Variants in LRRC4C observed in about 807,000 individuals in gnomAD.
The protein encoded by LRRC4C is leucine-rich repeat-containing protein 4C.
Under a neutral mutation model 33.6 loss-of-function variants are expected in LRRC4C, and 5 were observed. The observed-to-expected ratio is 0.15, with a 90% CI of 0.08 to 0.31. The LOEUF (loss-of-function observed/expected upper bound fraction) is 0.31. Among genes scored for constraint, LRRC4C ranks in the 10% least tolerant of loss-of-function variants. The probability of loss-of-function intolerance (pLI) is 1.00; values close to 1 mark genes in which losing one functional copy is unlikely to be tolerated. For missense variants in LRRC4C, 560 were observed against 796.7 expected, an observed-to-expected ratio of 0.70 and a Z score of 3.58; for synonymous variants, 329 against 302.0, an observed-to-expected ratio of 1.09 and a Z score of -0.93.
chr11:40,306,081 T>C (rs570986516), intron 4 of LRRC4C, among the ~76,000 whole-genome samples: 6 of 152,340 alleles, frequency 3.9e-5, no homozygotes, highest in Non-Finnish European at 7.3e-5. Flanking sequence ...TCTCCACCTA[T>C]GTCATTCAGC....
At chr11:40,954,560 T>C (rs1004965866) in intron 1 of LRRC4C, among the ~76,000 whole-genome samples, 1 of 151,826 alleles carries the variant, frequency 6.6e-6, no homozygotes, top group African/African-American at 2.4e-5. Flanking sequence ...GTTAATAGCA[T>C]AGCATCCCTT....
chr11:40,924,238 G>C (rs562782926), intron 2 of LRRC4C, among the ~76,000 whole-genome samples: 2 of 151,010 alleles, frequency 1.3e-5, no homozygotes, highest in Admixed American at 6.6e-5. Flanking sequence ...AGAGTATGGA[G>C]TAAGGTGAGA....
At chr11:40,229,335 T>C (rs1240794047) in intron 5 of LRRC4C, among the ~76,000 whole-genome samples, 2 of 152,222 alleles carry the variant, frequency 1.3e-5, no homozygotes, top group East Asian at 3.9e-4. Flanking sequence ...TGCAGTAGCG[T>C]GATCTCAGCT....
chr11:40,993,683 T>G (rs1853755309), intron 1 of LRRC4C, among the ~76,000 whole-genome samples: 1 of 152,136 alleles, frequency 6.6e-6, no homozygotes, highest in African/African-American at 2.4e-5. Flanking sequence ...ATCTAATATT[T>G]CTATTGCGAA....
chr11:40,972,637 C>T (rs971913639), intron 1 of LRRC4C, among the ~76,000 whole-genome samples: 3 of 152,116 alleles, frequency 2.0e-5, no homozygotes, highest in African/African-American at 7.2e-5. Context: ...CAGAAGGCAC[C>T]TCTTCACAAG....
In LRRC4C at chr11:41,105,008, C is replaced by T. The variant is rs367993252; in HGVS notation, c.-495-171285G>A. Among the ~76,000 whole-genome samples, 595 of 151,692 alleles carry T rather than the reference C, an allele frequency of 3.9e-3. 4 individuals carry two copies. Among genetic ancestry groups the T allele is most frequent in the South Asian group, 0.029 (140 of 4,796 alleles). On this transcript the variant is annotated intron_variant, in intron 1 of 6. Coordinates refer to ENST00000528697, the MANE Select transcript of LRRC4C (RefSeq NM_001258419.2). ...TAAGAAATGTTAAAAAAAAATTTGG[C>T]GATGGACATATCACTGTAAATTTAC...
At chr11:40,799,403 T>A (rs1337436131) in intron 2 of LRRC4C, among the ~76,000 whole-genome samples, 1 of 152,238 alleles carries the variant, frequency 6.6e-6, no homozygotes, top group Non-Finnish European at 1.5e-5. Flanking sequence ...TTATGTTTTA[T>A]GTATAAAAAA....
chr11:41,191,747 C>A (rs1291204999), intron 1 of LRRC4C, among the ~76,000 whole-genome samples: 1 of 152,108 alleles, frequency 6.6e-6, no homozygotes, highest in Non-Finnish European at 1.5e-5. Context: ...TCAAGCAGAG[C>A]AGTTCTACTT....
chr11:41,148,096 G>A (rs1943812152), intron 1 of LRRC4C, among the ~76,000 whole-genome samples: 1 of 151,978 alleles, frequency 6.6e-6, no homozygotes, highest in Admixed American at 6.6e-5. Context: ...TCGGCTCACT[G>A]TAACCTCCGC....
At chr11:40,953,828 A>G (rs1435676340) in intron 1 of LRRC4C, among the ~76,000 whole-genome samples, 1 of 151,894 alleles carries the variant, frequency 6.6e-6, no homozygotes, top group Non-Finnish European at 1.5e-5. Context: ...CTACCATAGC[A>G]TATAGTTTTA....
chr11:41,399,091 A>G (rs933031057), intron 1 of LRRC4C, among the ~76,000 whole-genome samples: 1 of 152,112 alleles, frequency 6.6e-6, no homozygotes, highest in Admixed American at 6.6e-5. Flanking sequence ...TTTGCAAATT[A>G]AACTGCCATC....
intron 2 of LRRC4C, among the ~76,000 whole-genome samples, chr11:40,826,835 C>T (rs945992161): frequency 4.6e-5 from 7 of 151,874 alleles, no homozygotes; most frequent in Admixed American, 2.6e-4. Flanking sequence ...AAAATATTGC[C>T]TTATGCACAG....
intron 3 of LRRC4C, among the ~76,000 whole-genome samples, chr11:40,539,249 A>G (rs1386269035): frequency 1.3e-5 from 2 of 152,176 alleles, no homozygotes; most frequent in Non-Finnish European, 2.9e-5. Flanking sequence ...TCCATTTCAC[A>G]TGCTTCACCA....
intron 2 of LRRC4C, among the ~76,000 whole-genome samples, chr11:40,724,128 C>T (rs1006941599): frequency 6.6e-6 from 1 of 152,052 alleles, no homozygotes; most frequent in African/African-American, 2.4e-5. Flanking sequence ...AATTCTAGAC[C>T]TGCAAAAATA....
At chr11:40,395,915 A>G (rs540321421) in intron 3 of LRRC4C, among the ~76,000 whole-genome samples, 5 of 152,250 alleles carry the variant, frequency 3.3e-5, no homozygotes, top group African/African-American at 1.2e-4. Context: ...TGAACCTGGG[A>G]GTCGGAGGTT....
At chr11:40,212,516 A>T (rs1863678475) in intron 5 of LRRC4C, among the ~76,000 whole-genome samples, 1 of 152,142 alleles carries the variant, frequency 6.6e-6, no homozygotes, top group Non-Finnish European at 1.5e-5. Context: ...TTCTGAAGCA[A>T]CTAGGAATTA....
At chr11:40,338,903 A>G (rs1946746862) in intron 3 of LRRC4C, among the ~76,000 whole-genome samples, 1 of 152,206 alleles carries the variant, frequency 6.6e-6, no homozygotes, top group Non-Finnish European at 1.5e-5. Context: ...TATAGCAGAG[A>G]TGACTCATCC....
rs34656729 is a variant in LRRC4C at position 40,758,280 on chromosome 11, C to CCTTA, written c.-406-110006_-406-110003dup. Among the ~76,000 whole-genome samples, 1,114 of 152,064 alleles carry CCTTA rather than the reference C, an allele frequency of 7.3e-3. 9 individuals are homozygous for CCTTA. Among genetic ancestry groups the CCTTA allele is most frequent in the Middle Eastern group, 0.024 (7 of 294 alleles). ...AATTATGCCTCCTACCAATGGTTGACCTTATCAATGACTCTGAGTCTTTGG... is the reference window on the plus strand; with the variant it reads ...AATTATGCCTCCTACCAATGGTTGACCTTACTTATCAATGACTCTGAGTCTTTGG... On this transcript the variant is annotated intron_variant, in intron 2 of 6. Transcript: ENST00000528697.
At chr11:41,128,723 A>C (rs1400249737) in intron 1 of LRRC4C, among the ~76,000 whole-genome samples, 1 of 152,074 alleles carries the variant, frequency 6.6e-6, no homozygotes, top group Non-Finnish European at 1.5e-5. Flanking sequence ...AAAGTCAACA[A>C]ATTAACCATT....
Sources: gnomAD v4.1 joint callset for allele counts (sites outside exome capture counted in the v4.1 genomes callset) on GRCh38, gnomAD v4.1.1 for gene constraint, MANE v1.5 for transcripts, NCBI Gene and HGNC (gene_info 2026-07-23, HGNC 2026-07-21) for gene names.